TCAIM: variants seen among roughly 807,000 people sequenced by gnomAD.
TCAIM encodes T cell activation inhibitor, mitochondrial.
In TCAIM, 36 loss-of-function variants were observed where a neutral mutation model predicts 58.6. The observed-to-expected ratio is 0.61, with a 90% CI of 0.47 to 0.81. TCAIM has a LOEUF of 0.81. TCAIM is among the 30% of genes least tolerant of loss of function. The pLI is 0.00. For synonymous variants in TCAIM, 172 were observed against 193.6 expected (o/e 0.89, Z 0.93); for missense variants, 466 against 579.6 (o/e 0.80, Z 2.01).
intron 5 of TCAIM, among the ~76,000 whole-genome samples, chr3:44,380,506 G>T (rs1701639242): frequency 6.6e-6 from 1 of 151,964 alleles, no homozygotes; most frequent in Non-Finnish European, 1.5e-5. Context: ...CAATGCTAAG[G>T]GGGAAATTTA....
At chr3:44,379,027 C>T (rs1701612372) in intron 5 of TCAIM, among the ~76,000 whole-genome samples, 1 of 150,000 alleles carries the variant, frequency 6.7e-6, no homozygotes, top group Admixed American at 6.6e-5. Context: ...AGGCTTCATG[C>T]CATGTGCCTA....
chr3:44,366,606 G>C (rs1376490841), intron 4 of TCAIM, among the ~76,000 whole-genome samples: 3 of 148,414 alleles, frequency 2.0e-5, no homozygotes, highest in African/African-American at 7.4e-5. Context: ...GACTACAGGC[G>C]CCCGCCACCA....
At chr3:44,403,482 T>C (rs1702053773) in intron 10 of TCAIM, among the ~76,000 whole-genome samples, 1 of 152,232 alleles carries the variant, frequency 6.6e-6, no homozygotes, top group Non-Finnish European at 1.5e-5. Context: ...GTTCATGCTA[T>C]TTCTTTTCTA....
intron 6 of TCAIM, among the ~76,000 whole-genome samples, chr3:44,395,935 C>T (rs4130227): frequency 0.25 from 37,791 of 152,108 alleles, 6,622 homozygotes; most frequent in East Asian, 0.76. Context: ...TGCAGTGAGC[C>T]GTGATTACAC....
At chr3:44,379,148 G>A (rs981150881) in intron 5 of TCAIM, among the ~76,000 whole-genome samples, 33 of 151,122 alleles carry the variant, frequency 2.2e-4, no homozygotes, top group Admixed American at 3.3e-4. Flanking sequence ...AGATTGTGCC[G>A]TTGCACTCCA....
intron 3 of TCAIM, chr3:44,358,878 G>A (rs1701248670): frequency 1.0e-6 from 1 of 985,046 alleles, no homozygotes; most frequent in Admixed American, 6.2e-5. Context: ...AATCTATTTT[G>A]CTTTTTTGCT....
At chr3:44,399,272 C>A (rs988532927) in intron 8 of TCAIM, among the ~76,000 whole-genome samples, 7 of 152,048 alleles carry the variant, frequency 4.6e-5, no homozygotes, top group Non-Finnish European at 8.8e-5. Flanking sequence ...GTATATGAAT[C>A]TACAATTATC....
chr3:44,358,331 G>A lies in TCAIM; in HGVS notation c.165+455G>A, dbSNP rs372867357. The A allele has an allele frequency of 6.0e-5, 47 of 784,736 alleles. No individual in the cohort carries two copies. In the African/African-American group the frequency reaches 8.2e-4, roughly 14 times the overall value. The allele number at this position is 784,736 out of a possible 1,614,324, so 48.6% of individuals were successfully genotyped here. Reference sequence around the variant, plus strand: ...GTGCTCCAGGAATACAAACTGATATGAAAAATGACTTATGGTAGATGTAGT... The same window carrying A: ...GTGCTCCAGGAATACAAACTGATATAAAAAATGACTTATGGTAGATGTAGT... On this transcript the variant is annotated intron_variant, in intron 3 of 10. Transcript: ENST00000342649.
intron 3 of TCAIM, 81 bp downstream of exon 3, chr3:44,357,957 A>G (rs974835103): frequency 1.3e-6 from 2 of 1,493,914 alleles, no homozygotes; most frequent in East Asian, 2.3e-5. Context: ...ATAGAGTTCT[A>G]TAAATGTGGA....
At position 44,353,868 on chromosome 3, in the gene TCAIM, G is replaced by A. The variant is rs191703441; in HGVS notation, c.-44-871G>A. Among the ~76,000 whole-genome samples the A allele has an allele frequency of 2.7e-4, 41 of 152,290 alleles. No homozygotes were observed. The East Asian group carries it at 4.0e-3, about 15-fold the overall frequency. Reference sequence around the variant, plus strand: ...TCTTTTGGAAATGTTTTCTCCAGGTGTGTGGCTTTTCTTCTCATTCTCTTG... The same window carrying A: ...TCTTTTGGAAATGTTTTCTCCAGGTATGTGGCTTTTCTTCTCATTCTCTTG... On this transcript the variant is annotated intron_variant, in intron 1 of 10. Transcript: ENST00000342649.
intron 5 of TCAIM, among the ~76,000 whole-genome samples, chr3:44,388,513 A>G (rs1701780248): frequency 6.6e-6 from 1 of 152,208 alleles, no homozygotes; most frequent in Non-Finnish European, 1.5e-5. Flanking sequence ...TATAGGAGGC[A>G]TGTTATGTTT....
chr3:44,378,391 C>G lies in TCAIM; in HGVS notation c.572+10683C>G, dbSNP rs181141145. 2.6e-3 allele frequency among the ~76,000 whole-genome samples: 399 copies of G among 151,644 alleles called. 5 individuals are homozygous for G. Among genetic ancestry groups the G allele is most frequent in the African/African-American group, 9.3e-3 (386 of 41,356 alleles). The stretch of plus-strand genomic sequence containing the variant: ...TGAGACTCTGTCCCCAACCCTACCC[C>G]CCCAAAAAAAAAATTTTACAAGCAA... On this transcript the variant is annotated intron_variant, in intron 5 of 10. Transcript: ENST00000342649.
Position 44,407,674 on chromosome 3 carries a change from A to G in TCAIM, c.1483A>G (p.Ile495Val). Residue 495 changes from isoleucine (I) to valine (V), a missense_variant, in exon 11 of 11, where the codon ATT (isoleucine) becomes GTT (valine). By Grantham distance (29) the Ile-to-Val change is conservative (BLOSUM62 3). Transcript: ENST00000342649. The stretch of plus-strand genomic sequence containing the variant: ...TTGGAATTGGAAGAATGGAGAAGCC[A>G]TTAAGTAACACAGAAATCTGTTTTA... ...IPWNWKNGEA[I>V]K The G allele has an allele frequency of 6.3e-7, 1 of 1,590,018 alleles. No individual in the cohort carries two copies. The highest frequency in any genetic ancestry group is 8.5e-7 in the Non-Finnish European group (1 of 1,172,238).
chr3:44,396,626 A>T (rs528107861), intron 7 of TCAIM, 117 bp from the exon 8 acceptor site: 15 of 1,413,394 alleles, frequency 1.1e-5, no homozygotes, highest in Admixed American at 8.6e-5. Flanking sequence ...AAGCAGTGGC[A>T]TAAAATTAGC....
intron 5 of TCAIM, among the ~76,000 whole-genome samples, chr3:44,392,569 A>G (rs999043791): frequency 6.6e-6 from 1 of 152,220 alleles, no homozygotes; most frequent in Admixed American, 6.5e-5. Context: ...AAGTGAGAAC[A>G]TGCAGTATGT....
chr3:44,373,078 AAAT>A (rs1476439569), intron 5 of TCAIM, among the ~76,000 whole-genome samples: 3 of 152,110 alleles, frequency 2.0e-5, no homozygotes, highest in Admixed American at 1.3e-4. Context: ...TAGCATTTTT[AAAT>A]TAAAATAAGA....
At chr3:44,357,082 T>C (rs1400894022) in intron 2 of TCAIM, among the ~76,000 whole-genome samples, 3 of 152,120 alleles carry the variant, frequency 2.0e-5, no homozygotes, top group African/African-American at 7.2e-5. Context: ...TTTTTAAGTA[T>C]AATAATTATC....
intron 5 of TCAIM, among the ~76,000 whole-genome samples, chr3:44,370,985 C>T (rs1200479058): frequency 6.7e-6 from 1 of 149,786 alleles, no homozygotes; most frequent in Non-Finnish European, 1.5e-5. Flanking sequence ...TATCTCGGCT[C>T]ACTGCAACCT....
chr3:44,405,398 C>T (rs1316490769), intron 10 of TCAIM, among the ~76,000 whole-genome samples: 2 of 152,176 alleles, frequency 1.3e-5, no homozygotes, highest in African/African-American at 4.8e-5. Context: ...AAAGGGTGGG[C>T]ATGGTGGCTC....
Sources: gnomAD v4.1 joint callset for allele counts (sites outside exome capture counted in the v4.1 genomes callset) on GRCh38, gnomAD v4.1.1 for gene constraint, MANE v1.5 for transcripts, NCBI Gene and HGNC (gene_info 2026-07-23, HGNC 2026-07-21) for gene names.